The following ASTN2 variants were observed in gnomAD, a reference collection of about 807,000 sequenced individuals.
The protein encoded by ASTN2 is astrotactin 2.
Under a neutral mutation model 139.8 loss-of-function variants are expected in ASTN2, and 54 were observed. That is an observed-to-expected ratio of 0.39 (90% CI 0.31 to 0.48). ASTN2 has a LOEUF of 0.48. Ranked by LOEUF, ASTN2 falls within the 20% of genes least tolerant of loss-of-function variation. The pLI is 0.95. For missense variants in ASTN2, 1,565 were observed against 1,725.1 expected (o/e 0.91, Z 1.64); for synonymous variants, 756 against 719.5 (o/e 1.05, Z -0.81).
chr9:116,743,974 C>T (rs1386392103), intron 13 of ASTN2, among the ~76,000 whole-genome samples: 5 of 152,054 alleles, frequency 3.3e-5, no homozygotes, highest in African/African-American at 9.7e-5. Flanking sequence ...TAAGTTTCAT[C>T]GGGAAAGTTC....
chr9:116,553,338 G>A (rs1852441615), intron 19 of ASTN2, among the ~76,000 whole-genome samples: 1 of 152,188 alleles, frequency 6.6e-6, no homozygotes, highest in Non-Finnish European at 1.5e-5. Context: ...CCTCTAAAGA[G>A]CCCTAGCGGA....
rs373965464 is a variant in ASTN2 at position 116,793,057 on chromosome 9, T to A, written c.2396+12575A>T. 2.7e-4 allele frequency among the ~76,000 whole-genome samples: 41 copies of A among 152,036 alleles called. No homozygotes were observed. In the South Asian group the frequency reaches 4.2e-3, roughly 15 times the overall value. On this transcript the variant is annotated intron_variant, in intron 13 of 22. Transcript: ENST00000313400. ...GCCCAAACCTCAGGATCATGCAATA[T>A]ACCCAGGTAAAAAACCTGCACATGT...
At chr9:116,846,385 A>G (rs754332946) in intron 11 of ASTN2, among the ~76,000 whole-genome samples, 1 of 152,204 alleles carries the variant, frequency 6.6e-6, no homozygotes, top group African/African-American at 2.4e-5. Flanking sequence ...TTAAAAATGT[A>G]TTTTAATAAA....
At chr9:117,168,279 T>G (rs7029039) in intron 3 of ASTN2, among the ~76,000 whole-genome samples, 13,331 of 152,212 alleles carry the variant, frequency 0.088, 707 homozygotes, top group East Asian at 0.19. Context: ...TGTGAATGCT[T>G]CACAACCTGA....
chr9:116,893,530 T>A (rs2132392384), intron 10 of ASTN2, among the ~76,000 whole-genome samples: 1 of 152,180 alleles, frequency 6.6e-6, no homozygotes, highest in South Asian at 2.1e-4. Flanking sequence ...CCAGCCTCAG[T>A]CCCCCAGTTG....
intron 19 of ASTN2, among the ~76,000 whole-genome samples, chr9:116,544,425 A>G (rs773417852): frequency 4.4e-4 from 67 of 152,324 alleles, no homozygotes; most frequent in Middle Eastern, 6.8e-3. Context: ...TGTCTTAGAC[A>G]TGATAGTAGT....
chr9:117,107,864 A>T (rs1318536820), intron 4 of ASTN2, among the ~76,000 whole-genome samples: 1 of 152,190 alleles, frequency 6.6e-6, no homozygotes, highest in East Asian at 1.9e-4. Context: ...GTATCTGTAT[A>T]TTTCAACCCT....
intron 11 of ASTN2, among the ~76,000 whole-genome samples, chr9:116,861,261 A>C (rs914034303): frequency 7.4e-6 from 1 of 134,274 alleles, no homozygotes; most frequent in Non-Finnish European, 1.6e-5. Flanking sequence ...ACACACACAC[A>C]CTCCTCTGTA....
At chr9:117,128,000 G>T (rs908957649) in intron 4 of ASTN2, among the ~76,000 whole-genome samples, 11 of 151,972 alleles carry the variant, frequency 7.2e-5, no homozygotes, top group African/African-American at 2.7e-4. Flanking sequence ...AAGATAGTTT[G>T]GTGAACAGGG....
At chr9:116,815,623 G>A (rs202054051) in intron 12 of ASTN2, among the ~76,000 whole-genome samples, 1 of 151,062 alleles carries the variant, frequency 6.6e-6, no homozygotes, top group East Asian at 2.0e-4. Context: ...GGCAAACACG[G>A]TGAAACCCCA....
chr9:117,179,381 T>C (rs1830999711), intron 3 of ASTN2, among the ~76,000 whole-genome samples: 1 of 152,200 alleles, frequency 6.6e-6, no homozygotes, highest in Non-Finnish European at 1.5e-5. Flanking sequence ...ATATCTTCTA[T>C]ATATAGTCAT....
At chr9:117,244,268 G>C (rs1833300193) in intron 2 of ASTN2, among the ~76,000 whole-genome samples, 1 of 152,126 alleles carries the variant, frequency 6.6e-6, no homozygotes, top group Non-Finnish European at 1.5e-5. Flanking sequence ...TGTGAGAACA[G>C]TCTAATACAG....
chr9:117,397,624 T>G (rs1321361912), intron 1 of ASTN2, among the ~76,000 whole-genome samples: 4 of 152,200 alleles, frequency 2.6e-5, no homozygotes, highest in African/African-American at 9.7e-5. Flanking sequence ...ATCTAATAAT[T>G]GGCAAATGTA....
chr9:117,156,284 A>AAGTTAT (rs1830431737), intron 3 of ASTN2, among the ~76,000 whole-genome samples: 1 of 152,062 alleles, frequency 6.6e-6, no homozygotes, highest in African/African-American at 2.4e-5. Context: ...TAATTTCATG[A>AAGTTAT]CATTCTCTAT....
At chr9:116,717,053 G>A (rs1036387161) in intron 16 of ASTN2, among the ~76,000 whole-genome samples, 1 of 152,196 alleles carries the variant, frequency 6.6e-6, no homozygotes, top group African/African-American at 2.4e-5. Context: ...TCCCTGGTGT[G>A]AATCCTGACA....
At chr9:117,188,881 G>T (rs1831274495) in intron 3 of ASTN2, among the ~76,000 whole-genome samples, 1 of 152,128 alleles carries the variant, frequency 6.6e-6, no homozygotes, top group Admixed American at 6.5e-5. Context: ...TTGCAGGCAG[G>T]TCGGTGGCCT....
chr9:116,790,957 A>AG (rs1830517486), intron 13 of ASTN2, among the ~76,000 whole-genome samples: 4 of 135,304 alleles, frequency 3.0e-5, no homozygotes, highest in East Asian at 2.0e-4. Flanking sequence ...AAAGAAAGAA[A>AG]AGAAAGAAGG....
chr9:116,575,556 G>C (rs1331233207), intron 19 of ASTN2, among the ~76,000 whole-genome samples: 1 of 152,154 alleles, frequency 6.6e-6, no homozygotes, highest in Non-Finnish European at 1.5e-5. Flanking sequence ...CACATAGTCA[G>C]CAATCAATGT....
At chr9:116,488,118 T>C (rs1397334517) in intron 19 of ASTN2, among the ~76,000 whole-genome samples, 3 of 152,298 alleles carry the variant, frequency 2.0e-5, no homozygotes, top group Non-Finnish European at 4.4e-5. Flanking sequence ...ACGTTCACCA[T>C]GTACAGGATG....
Sources: allele counts gnomAD v4.1 joint callset (sites outside exome capture counted in the v4.1 genomes callset), GRCh38; gene constraint gnomAD v4.1.1; transcripts MANE v1.5; gene names NCBI Gene and HGNC (gene_info 2026-07-23, HGNC 2026-07-21).